Variants in TLX3 observed in about 807,000 individuals in gnomAD.
TLX3 encodes the protein T-cell leukemia homeobox protein 3.
Under a neutral mutation model 19.6 loss-of-function variants are expected in TLX3, and 11 were observed. The observed-to-expected ratio is 0.56, with a 90% CI of 0.35 to 0.93. The LOEUF is 0.93. TLX3 is among the 40% of genes least tolerant of loss of function. The pLI, the probability that TLX3 is intolerant of heterozygous loss-of-function variation, is 0.01. For synonymous variants in TLX3, 221 were observed against 188.1 expected (o/e 1.17, Z -1.43); for missense variants, 375 against 418.6 (o/e 0.90, Z 0.91).
intron 1 of TLX3, 90 bp from the exon 2 acceptor site, chr5:171,310,060 C>T (rs1176975895): frequency 1.4e-6 from 2 of 1,464,360 alleles, no homozygotes; most frequent in East Asian, 2.5e-5. Context: ...CGGAGCTCTC[C>T]GTGTCCCACG....
rs1355156355 is a variant in TLX3, at chr5:171,311,667, G to A, written c.*68G>A. 1.6e-6 allele frequency: 2 copies of A among 1,280,898 alleles called. No homozygotes were observed. Among genetic ancestry groups the A allele is most frequent in the Admixed American group, 2.3e-5 (1 of 43,420 alleles). 79.3% of individuals were successfully genotyped at this position (1,280,898 alleles called of 1,614,324 possible). A position where few individuals can be genotyped will look rare whatever the true frequency, so the allele number is the denominator to read the frequency against. On this transcript the variant is annotated 3_prime_UTR_variant, in exon 3 of 3. Transcript: ENST00000296921. This position sits in a 1 kb window ranked among gnomAD's most constrained non-coding sequence, Gnocchi z 5.1. ...CAGCCGGGCGCCCCGGACCCCCCAG[G>A]CGGGCTGCGGGGGAACCGGCGCCGA... is the stretch of plus-strand genomic sequence containing the variant.
chr5:171,311,864 G>A lies in TLX3; in HGVS notation c.*265G>A. 3.3e-6 allele frequency: 1 copy of A among 303,038 alleles called. No homozygotes were observed. The highest frequency in any genetic ancestry group is 6.0e-6 in the Non-Finnish European group (1 of 165,442). 18.8% of individuals were successfully genotyped at this position (303,038 alleles called of 1,614,324 possible). The stretch of plus-strand genomic sequence containing the variant: ...ACAAGAAAGCGCCTTACGTTTCTCC[G>A]CCCCCCGCCCGCACCCCCCGGGCCG... On this transcript the variant is annotated 3_prime_UTR_variant, in exon 3 of 3. Coordinates refer to ENST00000296921, the MANE Select transcript of TLX3 (RefSeq NM_021025.4). This position sits in a 1 kb window ranked among gnomAD's most constrained non-coding sequence, Gnocchi z 5.1.
In TLX3 at chr5:171,311,444, C is replaced by G. The variant is rs777563717; in HGVS notation, c.721C>G (p.Leu241Val). ...AERQQASRLM[L>V]QLQHDAFQKS... ...GCGGCAGCAGGCGAGCCGGCTCATG[C>G]TGCAGCTGCAACACGACGCCTTCCA... Residue 241 changes from leucine to valine, a missense_variant, in exon 3 of 3, where the codon CTG (leucine) becomes GTG (valine). Leu to Val is a conservative substitution (Grantham distance 32, BLOSUM62 1). Coordinates refer to ENST00000296921, the MANE Select transcript of TLX3 (RefSeq NM_021025.4). This position sits in a 1 kb window ranked among gnomAD's most constrained non-coding sequence, Gnocchi z 5.1. 5.0e-6 allele frequency: 8 copies of G among 1,587,590 alleles called. No homozygotes were observed. The East Asian group carries it at 1.1e-4, about 23-fold the overall frequency.
Position 171,311,316 on chromosome 5 carries a change from G to A in TLX3, c.666-73G>A. 6.4e-6 allele frequency: 9 copies of A among 1,411,342 alleles called. No homozygotes were observed. Among genetic ancestry groups the A allele is most frequent in the Non-Finnish European group, 8.6e-6 (9 of 1,052,022 alleles). 87.4% of individuals were successfully genotyped at this position (1,411,342 alleles called of 1,614,324 possible). On this transcript the variant is annotated intron_variant, in intron 2 of 2. Coordinates refer to ENST00000296921, the MANE Select transcript of TLX3 (RefSeq NM_021025.4). This position sits in a 1 kb window ranked among gnomAD's most constrained non-coding sequence, Gnocchi z 5.1. ...CCCGGATGGCCTCGGCTCCCGGGAG[G>A]GCCGGGGCCCCGCCGGCGGCCCCGC...
At position 171,311,600 on chromosome 5, in the gene TLX3, G is replaced by A; in HGVS notation, c.*1G>A. ...TCCCGCTGTCACCTCCCTGGTGTGA[G>A]CCCACCAGCGCGCACCGTCGCCACG... On this transcript the variant is annotated 3_prime_UTR_variant, in exon 3 of 3. Transcript: ENST00000296921. This position sits in a 1 kb window ranked among gnomAD's most constrained non-coding sequence, Gnocchi z 5.1. 2 of 1,601,322 alleles carry A rather than the reference G, an allele frequency of 1.2e-6. No homozygotes were observed. The highest frequency in any genetic ancestry group is 1.7e-6 in the Non-Finnish European group (2 of 1,173,954).
Position 171,311,492 on chromosome 5 carries a change from C to G in TLX3, c.769C>G (p.Gln257Glu). The G allele has an allele frequency of 6.2e-7, 1 of 1,612,672 alleles. No individual in the cohort carries two copies. The highest frequency in any genetic ancestry group is 8.5e-7 in the Non-Finnish European group (1 of 1,179,408). ...CCAAAAGAGCCTCAACGACTCCATC[C>G]AGCCTGACCCGCTCTGTCTGCACAA... ...AFQKSLNDSI[Q>E]PDPLCLHNSS... The change falls in exon 3 of 3, where the codon CAG (glutamine) becomes GAG (glutamate). Residue 257 changes from glutamine to glutamate, a missense_variant. Gln to Glu is a conservative substitution (Grantham distance 29). Around this residue, in one of 3 missense-constraint regions of TLX3, gnomAD observed 62 missense variants for 63.1 expected, o/e 0.98. Coordinates refer to ENST00000296921, the MANE Select transcript of TLX3 (RefSeq NM_021025.4). The surrounding 1 kb of genome is among the most constrained non-coding windows in gnomAD (Gnocchi z 5.1).
Position 171,311,307 on chromosome 5 carries a change from T to C in TLX3, c.666-82T>C. 1 of 1,330,034 alleles carries C rather than the reference T, an allele frequency of 7.5e-7. No homozygotes were observed. Among genetic ancestry groups the C allele is most frequent in the South Asian group, 1.5e-5 (1 of 67,538 alleles). The allele number at this position is 1,330,034 out of a possible 1,614,324, so 82.4% of individuals were successfully genotyped here. On this transcript the variant is annotated intron_variant, in intron 2 of 2. Coordinates refer to ENST00000296921, the MANE Select transcript of TLX3 (RefSeq NM_021025.4). This position sits in a 1 kb window ranked among gnomAD's most constrained non-coding sequence, Gnocchi z 5.1. ...CTCGAGGCTCCCGGATGGCCTCGGC[T>C]CCCGGGAGGGCCGGGGCCCCGCCGG...
At chr5:171,310,422 ACACCTGCCCTT>A (rs1422735578) in intron 2 of TLX3, 29 bp downstream of exon 2, 1 of 1,606,272 alleles carries the variant, frequency 6.2e-7, no homozygotes, top group African/African-American at 1.3e-5. Flanking sequence ...GGCCCACCTT[ACACCTGCCCTT>A]CACCTGTCCC....
intron 1 of TLX3, 121 bp from the exon 2 acceptor site, chr5:171,310,029 C>A (rs1408313666): frequency 1.4e-6 from 2 of 1,425,452 alleles, no homozygotes; most frequent in South Asian, 1.5e-5. Flanking sequence ...TCTCTGGAAA[C>A]GCGCGCGACC....
intron 1 of TLX3, 141 bp from the exon 2 acceptor site, chr5:171,310,009 C>A: frequency 1.5e-6 from 2 of 1,375,706 alleles, no homozygotes; most frequent in Non-Finnish European, 1.9e-6. Context: ...GTCTCCCGAC[C>A]GGCTTGGTGT....
In TLX3 at chr5:171,309,648, C is replaced by T. The variant is rs1769185281; in HGVS notation, c.283C>T (p.Pro95Ser). The change falls in exon 1 of 3, where the codon CCG (proline) becomes TCG (serine). Residue 95 changes from proline to serine, a missense_variant. Pro to Ser is a moderately conservative substitution (Grantham distance 74). Transcript: ENST00000296921. ...CGTGATCCGGGTGCCGGCGCACAGG[C>T]CGCTGCCCGGGGCCGTGCCACCGCC... ...AGVIRVPAHR[P>S]LPGAVPPPLP... 4.4e-6 allele frequency: 7 copies of T among 1,608,052 alleles called. No individual in the cohort carries two copies. Among genetic ancestry groups the T allele is most frequent in the Non-Finnish European group, 5.9e-6 (7 of 1,178,140 alleles).
rs772496526 is a variant in TLX3 at position 171,309,745 on chromosome 5, G to C, written c.380G>C (p.Trp127Ser). ...AGCCTTGGCGGTCTCAATTTCCCCTGGATGGAGAGCAGCCGCCGCTTCGTG... is the reference window on the plus strand; with the variant it reads ...AGCCTTGGCGGTCTCAATTTCCCCTCGATGGAGAGCAGCCGCCGCTTCGTG... Reference protein sequence around the residue: ...VSSLGGLNFPWMESSRRFVKD... With the variant: ...VSSLGGLNFPSMESSRRFVKD... The change falls in exon 1 of 3, where the codon TGG becomes TCG. Residue 127 changes from tryptophan (W) to serine (S), a missense_variant. Trp to Ser is a radical substitution (Grantham distance 177, BLOSUM62 -3). Transcript: ENST00000296921. 2 of 1,608,954 alleles carry C rather than the reference G, an allele frequency of 1.2e-6. No individual in the cohort carries two copies. Among genetic ancestry groups the C allele is most frequent in the South Asian group, 1.1e-5 (1 of 90,728 alleles).
At position 171,309,472 on chromosome 5, in the gene TLX3, G is replaced by A; in HGVS notation, c.107G>A (p.Arg36Gln). 1.3e-6 allele frequency: 2 copies of A among 1,595,224 alleles called. No individual in the cohort carries two copies. The highest frequency in any genetic ancestry group is 1.7e-5 in the Admixed American group (1 of 57,910). The change falls in exon 1 of 3, where the codon CGG becomes CAG. Residue 36 changes from arginine (R) to glutamine (Q), a missense_variant. Transcript: ENST00000296921. ...GACCAGGACAGCGCACCCGCCCCGCGGGGCCCCGACGGCGCCAGCTACCTG... is the reference window on the plus strand; with the variant it reads ...GACCAGGACAGCGCACCCGCCCCGCAGGGCCCCGACGGCGCCAGCTACCTG... ...SPDQDSAPAP[R>Q]GPDGASYLGG... is the part of the protein sequence containing the mutation.
At chr5:171,310,055 C>T in intron 1 of TLX3, 95 bp from the exon 2 acceptor site, 1 of 1,455,624 alleles carries the variant, frequency 6.9e-7, no homozygotes, top group East Asian at 2.5e-5. Flanking sequence ...AATAGCGGAG[C>T]TCTCCGTGTC....
In TLX3 at chr5:171,309,401, G is replaced by A. The variant is rs373303131; in HGVS notation, c.36G>A (p.Pro12=). 6 of 1,345,130 alleles carry A rather than the reference G, an allele frequency of 4.5e-6. No homozygotes were observed. Among genetic ancestry groups the A allele is most frequent in the East Asian group, 5.1e-5 (1 of 19,690 alleles). 83.3% of individuals were successfully genotyped at this position (1,345,130 alleles called of 1,614,324 possible). Residue 12 remains proline, a synonymous_variant, in exon 1 of 3, where the codon CCG becomes CCA. Transcript: ENST00000296921. ...CCGCCAGCGCGCAGACCCCGCACCC[G>A]CACGAGCCCATCAGCTTCGGCATCG... is the stretch of plus-strand genomic sequence containing the variant. The part of the protein sequence containing the change: ...EAPASAQTPH[P]HEPISFGIDQ...
rs1053423040 is a variant in TLX3, at chr5:171,312,026, G to A, written c.*427G>A. 4 of 193,852 alleles carry A rather than the reference G, an allele frequency of 2.1e-5. No homozygotes were observed. Among genetic ancestry groups the A allele is most frequent in the African/African-American group, 9.3e-5 (4 of 43,000 alleles). 12.0% of individuals were successfully genotyped at this position (193,852 alleles called of 1,614,324 possible). On this transcript the variant is annotated 3_prime_UTR_variant, in exon 3 of 3. Coordinates refer to ENST00000296921, the MANE Select transcript of TLX3 (RefSeq NM_021025.4). ...AAGGGCAGCCGACCCGGCCGCTGGG[G>A]GAAGTGCCAGGGGCCCGGGGCACCC...
chr5:171,309,799 G>A lies in TLX3; in HGVS notation c.421+13G>A, dbSNP rs752942891. On this transcript the variant is annotated intron_variant, in intron 1 of 2. Transcript: ENST00000296921. ...GACCGCTTCACAGGTGAGCAGAGCT[G>A]GCGACCAGGCTCCAGGCCTCCGCCC... 1.9e-6 allele frequency: 3 copies of A among 1,575,530 alleles called. No individual in the cohort carries two copies. The highest frequency in any genetic ancestry group is 2.6e-6 in the Non-Finnish European group (3 of 1,160,662).
At chr5:171,309,858 C>A in intron 1 of TLX3, 72 bp downstream of exon 1, 1 of 1,467,516 alleles carries the variant, frequency 6.8e-7, no homozygotes, top group South Asian at 1.4e-5. Context: ...CCTGTGCGCT[C>A]CACTCCCGGA....
In TLX3 at chr5:171,311,579, G is replaced by A. The variant is rs2113031721; in HGVS notation, c.856G>A (p.Ala286Thr). Residue 286 changes from alanine (A) to threonine (T), a missense_variant, in exon 3 of 3, where the codon GCT becomes ACT. Transcript: ENST00000296921. This position sits in a 1 kb window ranked among gnomAD's most constrained non-coding sequence, Gnocchi z 5.1. ...PWEEDSSKVPAVTSLV is the reference protein window; with the variant it reads ...PWEEDSSKVPTVTSLV ...GGAGGAGGATAGTTCCAAGGTTCCC[G>A]CTGTCACCTCCCTGGTGTGAGCCCA... The A allele has an allele frequency of 6.2e-7, 1 of 1,610,870 alleles. No individual in the cohort carries two copies. Among genetic ancestry groups the A allele is most frequent in the Non-Finnish European group, 8.5e-7 (1 of 1,178,754 alleles).
Sources: gnomAD v4.1 joint callset for allele counts on GRCh38, gnomAD v4.1.1 for gene constraint, gnomAD v4.1.1 regional missense constraint, Gnocchi (gnomAD v3.1) non-coding constraint, MANE v1.5 for transcripts, NCBI Gene and HGNC (gene_info 2026-07-23, HGNC 2026-07-21) for gene names.